The following KIAA1217 variants were observed in gnomAD, a reference collection of about 807,000 sequenced individuals.
KIAA1217 encodes sickle tail protein homolog.
In KIAA1217, 88 loss-of-function variants were observed where a neutral mutation model predicts 163.9. The ratio of observed to expected loss-of-function variants is 0.54; its 90% CI spans 0.45 to 0.64. KIAA1217 has a LOEUF of 0.64. Ranked by LOEUF, KIAA1217 falls within the 30% of genes least tolerant of loss-of-function variation. The pLI, the probability that KIAA1217 is intolerant of heterozygous loss-of-function variation, is 0.00. For missense variants in KIAA1217, 2,372 were observed against 2,475.0 expected (o/e 0.96, Z 0.88); for synonymous variants, 903 against 923.1 (o/e 0.98, Z 0.39).
Position 24,544,019 on chromosome 10 carries a change from C to A in KIAA1217, c.4749C>A (p.Ala1583=). 6.2e-7 allele frequency: 1 copy of A among 1,614,094 alleles called. No homozygotes were observed. Among genetic ancestry groups the A allele is most frequent in the Non-Finnish European group, 8.5e-7 (1 of 1,180,014 alleles). Residue 1583 remains alanine (A), a synonymous_variant, in exon 19 of 21, where the codon GCC becomes GCA. Coordinates refer to ENST00000376454, the MANE Select transcript of KIAA1217 (RefSeq NM_019590.5). ...FKFKFPKKQL[A]ALTQAIRTGT... is the part of the protein sequence containing the mutation. ...TCAAATTCCCTAAGAAGCAACTCGC[C>A]GCTCTCACTCAAGCCATTCGCACCG...
intron 1 of KIAA1217, among the ~76,000 whole-genome samples, chr10:23,851,583 G>T (rs1008279843): frequency 3.3e-5 from 5 of 152,074 alleles, no homozygotes; most frequent in African/African-American, 7.2e-5. Flanking sequence ...CTGAGGAATC[G>T]CCACACTGAC....
chr10:24,123,441 A>G (rs1218807345), intron 2 of KIAA1217, among the ~76,000 whole-genome samples: 3 of 152,030 alleles, frequency 2.0e-5, no homozygotes, highest in Non-Finnish European at 4.4e-5. Context: ...TGCCATTACA[A>G]CCATGCTGCA....
rs367810033 is a variant in KIAA1217, at chr10:24,528,018, C to T, written c.2981C>T (p.Ala994Val). ...GAGTTTGAGAAGCTCCTAGAAGAAG[C>T]TCAGGCCAATATCATGAAGTCAATA... ...GKEFEKLLEE[A>V]QANIMKSIPN... Residue 994 changes from alanine (A) to valine (V), a missense_variant, in exon 14 of 21, where the codon GCT (alanine) becomes GTT (valine). Around this residue, in one of 3 missense-constraint regions of KIAA1217, gnomAD observed 1,431 missense variants for 1,470.3 expected, o/e 0.97. Transcript: ENST00000376454. 3 of 1,614,118 alleles carry T rather than the reference C, an allele frequency of 1.9e-6. No individual in the cohort carries two copies. The African/African-American group carries it at 4.0e-5, about 22-fold the overall frequency.
In KIAA1217 at chr10:24,248,670, C is replaced by CAAAAAA. The variant is rs929995548; in HGVS notation, c.354+28783_354+28788dup. Reference sequence around the variant, plus strand: ...TGGGCAACAAAGCAAGACTCCATCTCAAAAAAAAAAAAAAAAAAAAAAAAA... The same window carrying CAAAAAA: ...TGGGCAACAAAGCAAGACTCCATCTCAAAAAAAAAAAAAAAAAAAAAAAAAAAAAAA... On this transcript the variant is annotated intron_variant, in intron 2 of 20. Transcript: ENST00000376454. Among the ~76,000 whole-genome samples the CAAAAAA allele has an allele frequency of 7.1e-4, 26 of 36,454 alleles. 1 individual carries two copies. Among genetic ancestry groups the CAAAAAA allele is most frequent in the South Asian group, 3.4e-3 (2 of 588 alleles). The allele number at this position is 36,454 out of a possible 152,430, so 23.9% of individuals were successfully genotyped here.
intron 2 of KIAA1217, among the ~76,000 whole-genome samples, chr10:24,007,717 A>T (rs1847062182): frequency 6.6e-6 from 1 of 152,218 alleles, no homozygotes; most frequent in Non-Finnish European, 1.5e-5. Context: ...GAAAATGCTC[A>T]GAGAACATGA....
intron 1 of KIAA1217, among the ~76,000 whole-genome samples, chr10:23,712,830 T>G (rs1279448236): frequency 6.6e-6 from 1 of 152,152 alleles, no homozygotes; most frequent in African/African-American, 2.4e-5. Flanking sequence ...TAGAATAAAT[T>G]TACTATGCCG....
At chr10:24,027,901 T>C (rs953155391) in intron 2 of KIAA1217, among the ~76,000 whole-genome samples, 3 of 152,100 alleles carry the variant, frequency 2.0e-5, no homozygotes, top group Non-Finnish European at 4.4e-5. Flanking sequence ...GGTGAATAGA[T>C]TGCCTGAGTT....
chr10:23,968,270 T>C (rs1488958125), intron 1 of KIAA1217, among the ~76,000 whole-genome samples: 1 of 152,200 alleles, frequency 6.6e-6, no homozygotes, highest in African/African-American at 2.4e-5. Flanking sequence ...TAGTTTAATA[T>C]ATGATGAGGC....
At chr10:24,081,707 C>A (rs914513887) in intron 2 of KIAA1217, among the ~76,000 whole-genome samples, 1 of 152,108 alleles carries the variant, frequency 6.6e-6, no homozygotes, top group African/African-American at 2.4e-5. Flanking sequence ...CTAGTGATAG[C>A]TGATGGGGAA....
At chr10:23,874,697 T>C (rs1396971620) in intron 1 of KIAA1217, among the ~76,000 whole-genome samples, 1 of 151,928 alleles carries the variant, frequency 6.6e-6, no homozygotes, top group Non-Finnish European at 1.5e-5. Context: ...AGTCCAAATA[T>C]CGTATTTTTG....
intron 2 of KIAA1217, among the ~76,000 whole-genome samples, chr10:24,283,200 A>G (rs1194310023): frequency 6.6e-6 from 1 of 152,146 alleles, no homozygotes; most frequent in African/African-American, 2.4e-5. Context: ...ATACTAAACC[A>G]TGCATAGACA....
chr10:24,078,025 T>A (rs1219545837), intron 2 of KIAA1217, among the ~76,000 whole-genome samples: 1 of 152,198 alleles, frequency 6.6e-6, no homozygotes, highest in African/African-American at 2.4e-5. Context: ...CTTTGCCTAC[T>A]TTTTAATGGG....
Position 24,399,646 on chromosome 10 carries a change from G to A in KIAA1217, c.553+18579G>A, listed in dbSNP as rs922934832. Among the ~76,000 whole-genome samples the A allele has an allele frequency of 3.9e-5, 6 of 152,196 alleles. No homozygotes were observed. The East Asian group carries it at 1.2e-3, about 29-fold the overall frequency. The stretch of plus-strand genomic sequence containing the variant: ...TCCTGGGTCCATCAGATCTAAGAAT[G>A]TGACTGAGGTATTCCAGCATGGAGA... On this transcript the variant is annotated intron_variant, in intron 3 of 20. Coordinates refer to ENST00000376454, the MANE Select transcript of KIAA1217 (RefSeq NM_019590.5).
chr10:24,338,678 C>T (rs929877910), intron 2 of KIAA1217, among the ~76,000 whole-genome samples: 9 of 152,178 alleles, frequency 5.9e-5, no homozygotes, highest in African/African-American at 1.2e-4. Flanking sequence ...ATAATGTAAA[C>T]GTATTTGCTT....
chr10:24,305,677 T>G lies in KIAA1217; in HGVS notation c.355-75192T>G, dbSNP rs114939747. On this transcript the variant is annotated intron_variant, in intron 2 of 20. Coordinates refer to ENST00000376454, the MANE Select transcript of KIAA1217 (RefSeq NM_019590.5). Reference sequence around the variant, plus strand: ...TGTTTCTGTAACTGTTACGTCTTACTTGTAGGATTACAACATCTACTTGGA... The same window carrying G: ...TGTTTCTGTAACTGTTACGTCTTACGTGTAGGATTACAACATCTACTTGGA... Among the ~76,000 whole-genome samples the G allele has an allele frequency of 2.9e-3, 442 of 152,350 alleles. 2 individuals carry two copies. The highest frequency in any genetic ancestry group is 0.01 in the African/African-American group (424 of 41,584).
intron 6 of KIAA1217, among the ~76,000 whole-genome samples, chr10:24,480,772 C>T (rs1006890899): frequency 1.3e-5 from 2 of 152,116 alleles, no homozygotes; most frequent in Non-Finnish European, 2.9e-5. Context: ...TATCAGAAAA[C>T]ACGTAAGGTG....
chr10:24,412,693 A>G (rs1248220233), intron 3 of KIAA1217, among the ~76,000 whole-genome samples: 1 of 152,076 alleles, frequency 6.6e-6, no homozygotes, highest in Non-Finnish European at 1.5e-5. Context: ...TCTCATCCAT[A>G]GACACTGGCT....
At chr10:24,403,357 G>C (rs1285673081) in intron 3 of KIAA1217, among the ~76,000 whole-genome samples, 2 of 152,110 alleles carry the variant, frequency 1.3e-5, no homozygotes, top group Admixed American at 1.3e-4. Context: ...TTCTGCCTCA[G>C]CCTCCTGAAT....
chr10:23,851,208 C>A (rs1013391911), intron 1 of KIAA1217, among the ~76,000 whole-genome samples: 4 of 152,088 alleles, frequency 2.6e-5, no homozygotes, highest in African/African-American at 9.7e-5. Flanking sequence ...GTTCCCCTTC[C>A]TGTGTCCATG....
Sources: allele counts gnomAD v4.1 joint callset (sites outside exome capture counted in the v4.1 genomes callset), GRCh38; gene constraint gnomAD v4.1.1; regional missense constraint gnomAD v4.1.1; transcripts MANE v1.5; gene names NCBI Gene and HGNC (gene_info 2026-07-23, HGNC 2026-07-21).